Variants in SCAMP1 observed in about 807,000 individuals in gnomAD.
SCAMP1 encodes secretory carrier membrane protein 1.
Under a neutral mutation model 41.8 loss-of-function variants are expected in SCAMP1, and 15 were observed. The ratio of observed to expected loss-of-function variants is 0.36; its 90% CI spans 0.24 to 0.55. SCAMP1 has a LOEUF of 0.55. Ranked by LOEUF, SCAMP1 falls within the 20% of genes least tolerant of loss-of-function variation. The pLI is 0.86. For missense variants in SCAMP1, 341 were observed against 412.6 expected, an observed-to-expected ratio of 0.83 and a Z score of 1.50; for synonymous variants, 135 against 136.8, an observed-to-expected ratio of 0.99 and a Z score of 0.09.
chr5:78,434,924 C>CT (rs1195142264), intron 6 of SCAMP1, among the ~76,000 whole-genome samples: 3 of 152,118 alleles, frequency 2.0e-5, no homozygotes, highest in Middle Eastern at 3.2e-3. Context: ...ATTCTGGATT[C>CT]TGTGTGTATT....
intron 1 of SCAMP1, among the ~76,000 whole-genome samples, chr5:78,380,657 T>C (rs933333104): frequency 1.3e-5 from 2 of 152,342 alleles, no homozygotes; most frequent in African/African-American, 4.8e-5. Flanking sequence ...ACTCTTTGGG[T>C]ATTTCCCCAC....
chr5:78,454,607 G>A (rs1180225613), intron 7 of SCAMP1, among the ~76,000 whole-genome samples: 2 of 152,010 alleles, frequency 1.3e-5, no homozygotes, highest in Non-Finnish European at 2.9e-5. Flanking sequence ...GAGGATTTTT[G>A]CGTCAATGTT....
intron 6 of SCAMP1, among the ~76,000 whole-genome samples, chr5:78,446,429 C>A (rs4290994): frequency 6.6e-6 from 1 of 151,954 alleles, no homozygotes; most frequent in Non-Finnish European, 1.5e-5. Flanking sequence ...AGAGCACATA[C>A]TTTATATATT....
chr5:78,463,094 T>C (rs1399748634), intron 8 of SCAMP1, among the ~76,000 whole-genome samples: 1 of 152,228 alleles, frequency 6.6e-6, no homozygotes, highest in African/African-American at 2.4e-5. Context: ...AAGGTTAGAC[T>C]GTGTCCGTTC....
chr5:78,435,467 C>T (rs1214507091), intron 6 of SCAMP1, among the ~76,000 whole-genome samples: 2 of 152,270 alleles, frequency 1.3e-5, no homozygotes, highest in South Asian at 2.1e-4. Context: ...TGAGTGAGAA[C>T]ATGCAGTGTT....
At chr5:78,390,797 C>G (rs3900702) in intron 2 of SCAMP1, among the ~76,000 whole-genome samples, 27,208 of 149,670 alleles carry the variant, frequency 0.18, 3,052 homozygotes, top group Admixed American at 0.34. Flanking sequence ...GAGGACCCTG[C>G]GGCCTTCCGC....
chr5:78,402,698 C>A (rs935744007), intron 2 of SCAMP1, among the ~76,000 whole-genome samples: 4 of 152,078 alleles, frequency 2.6e-5, no homozygotes, highest in African/African-American at 9.7e-5. Context: ...AAGTGGGTTT[C>A]TTATAGACAA....
chr5:78,381,290 A>G (rs1181594964), intron 1 of SCAMP1, among the ~76,000 whole-genome samples: 2 of 152,192 alleles, frequency 1.3e-5, no homozygotes, highest in East Asian at 1.9e-4. Flanking sequence ...CCTGTAAGGA[A>G]GAGGAAGAGA....
intron 2 of SCAMP1, among the ~76,000 whole-genome samples, chr5:78,400,852 AT>A (rs1751781020): frequency 6.6e-6 from 1 of 151,992 alleles, no homozygotes. Flanking sequence ...GTCTTATTAC[AT>A]TAGTTAGGAC....
chr5:78,464,856 AGTG>A (rs1045295901), intron 8 of SCAMP1, among the ~76,000 whole-genome samples: 39 of 152,204 alleles, frequency 2.6e-4, no homozygotes, highest in African/African-American at 8.9e-4. Flanking sequence ...TTGGGATTAT[AGTG>A]GTGGTGGGAA....
intron 1 of SCAMP1, among the ~76,000 whole-genome samples, chr5:78,383,734 C>G (rs114141077): frequency 1.1e-4 from 16 of 152,160 alleles, no homozygotes; most frequent in Non-Finnish European, 1.8e-4. Flanking sequence ...GGAAGATCAG[C>G]TGACGGTAAG....
chr5:78,455,433 C>A (rs1303699772), intron 7 of SCAMP1, among the ~76,000 whole-genome samples: 1 of 127,548 alleles, frequency 7.8e-6, no homozygotes, highest in African/African-American at 3.2e-5. Context: ...GCCTTCATTT[C>A]GTTATGTATC....
At chr5:78,420,707 A>T (rs1014351333) in intron 5 of SCAMP1, among the ~76,000 whole-genome samples, 9 of 151,172 alleles carry the variant, frequency 6.0e-5, no homozygotes, top group South Asian at 4.2e-4. Flanking sequence ...AGCTCTTTTT[A>T]AAAAAAAACA....
chr5:78,457,284 T>C (rs1374642098), intron 7 of SCAMP1, among the ~76,000 whole-genome samples: 2 of 152,224 alleles, frequency 1.3e-5, no homozygotes, highest in Non-Finnish European at 2.9e-5. Context: ...TTTCCAGTTT[T>C]TCTGTTCTGT....
Position 78,463,148 on chromosome 5 carries a change from C to G in SCAMP1, c.852+3786C>G, listed in dbSNP as rs898549963. On this transcript the variant is annotated intron_variant, in intron 8 of 8. Coordinates refer to ENST00000621999, the MANE Select transcript of SCAMP1 (RefSeq NM_004866.6). ...TGAAATTTTTAACTTCTCTTCTGCA[C>G]CAAACACACATACCATTGACACTCA... Among the ~76,000 whole-genome samples the G allele has an allele frequency of 5.9e-5, 9 of 151,626 alleles. No homozygotes were observed. In the East Asian group the frequency reaches 1.3e-3, roughly 23 times the overall value.
intron 1 of SCAMP1, among the ~76,000 whole-genome samples, chr5:78,376,733 C>A (rs762885341): frequency 6.6e-6 from 1 of 151,992 alleles, no homozygotes; most frequent in Non-Finnish European, 1.5e-5. Context: ...GGCATGGGGT[C>A]GGAGGATAGG....
rs1183898314 is a variant in SCAMP1 at position 78,430,165 on chromosome 5, T to G, written c.632+8205T>G. Among the ~76,000 whole-genome samples the G allele has an allele frequency of 1.1e-3, 51 of 46,652 alleles. 2 individuals carry two copies. Among genetic ancestry groups the G allele is most frequent in the African/African-American group, 3.4e-3 (48 of 14,302 alleles). The allele number at this position is 46,652 out of a possible 152,430, so 30.6% of individuals were successfully genotyped here. On this transcript the variant is annotated intron_variant, in intron 6 of 8. Transcript: ENST00000621999. ...CAGTATTTATTTATAAATACAGTAT[T>G]TATTTATAAATACAGTATTTATTTA... is the stretch of plus-strand genomic sequence containing the variant.
chr5:78,368,462 A>G (rs926480991), intron 1 of SCAMP1, among the ~76,000 whole-genome samples: 1 of 152,236 alleles, frequency 6.6e-6, no homozygotes, highest in Non-Finnish European at 1.5e-5. Flanking sequence ...TGATAAATGC[A>G]GATCCAAATA....
In SCAMP1 at chr5:78,398,063, G is replaced by A. The variant is rs1751698140; in HGVS notation, c.135+9149G>A. ...CTAGCTCTAGACATTTGTTAAACGT[G>A]GAGTTACCATATGACCCTGTAATTC... On this transcript the variant is annotated intron_variant, in intron 2 of 8. Transcript: ENST00000621999. Among the ~76,000 whole-genome samples the A allele has an allele frequency of 3.9e-5, 6 of 152,276 alleles. No individual in the cohort carries two copies. The South Asian group carries it at 1.2e-3, about 32-fold the overall frequency.
Sources: gnomAD v4.1 joint callset for allele counts (sites outside exome capture counted in the v4.1 genomes callset) on GRCh38, gnomAD v4.1.1 for gene constraint, MANE v1.5 for transcripts, NCBI Gene and HGNC (gene_info 2026-07-23, HGNC 2026-07-21) for gene names.